The following SP140 variants were observed in gnomAD, a reference collection of about 807,000 sequenced individuals.
SP140 encodes the protein SP140 nuclear body protein, also known as nuclear body protein SP140.
Under a neutral mutation model 125.0 loss-of-function variants are expected in SP140, and 81 were observed. The ratio of observed to expected loss-of-function variants is 0.65; its 90% CI spans 0.54 to 0.78. The LOEUF is 0.78. SP140 is among the 30% of genes least tolerant of loss of function. The pLI is 0.00. For synonymous variants in SP140, 312 were observed against 354.0 expected, an observed-to-expected ratio of 0.88 and a Z score of 1.33; for missense variants, 858 against 1,037.0, an observed-to-expected ratio of 0.83 and a Z score of 2.37.
intron 11 of SP140, among the ~76,000 whole-genome samples, chr2:230,254,139 G>A (rs930521124): frequency 5.3e-4 from 81 of 152,176 alleles, no homozygotes; most frequent in Non-Finnish European, 9.4e-4. Flanking sequence ...AAATACAAAT[G>A]ACAACAATGT....
chr2:230,307,176 A>G (rs897604630), intron 22 of SP140, among the ~76,000 whole-genome samples: 1 of 151,998 alleles, frequency 6.6e-6, no homozygotes, highest in Non-Finnish European at 1.5e-5. Flanking sequence ...AGGGCTGAAC[A>G]CTCGTCAGGA....
At chr2:230,310,707 T>A (rs1328536512) in intron 23 of SP140, 36 bp from the exon 24 acceptor site, 1 of 1,398,340 alleles carries the variant, frequency 7.2e-7, no homozygotes, top group Admixed American at 2.2e-5. Context: ...ATTTCCAAGC[T>A]CCCTGCCCTC....
At chr2:230,260,181 C>T (rs944382005) in intron 12 of SP140, among the ~76,000 whole-genome samples, 1 of 152,124 alleles carries the variant, frequency 6.6e-6, no homozygotes, top group African/African-American at 2.4e-5. Context: ...TTGCATTTCC[C>T]TGATCATTGG....
Position 230,238,344 on chromosome 2 carries a change from T to A in SP140, c.369T>A (p.Tyr123Ter). The A allele has an allele frequency of 6.2e-7, 1 of 1,612,676 alleles. No individual in the cohort carries two copies. The highest frequency in any genetic ancestry group is 8.5e-7 in the Non-Finnish European group (1 of 1,179,668). The change falls in exon 3 of 27, where the codon TAT becomes TAA. Residue 123 changes from tyrosine (Y) to a stop codon, truncating the protein, a stop_gained. Transcript: ENST00000392045. LOFTEE classifies it high-confidence loss of function. ...TCAGCAGGATTAACCTGATGGCCTA[T>A]CCTGATTTAAACGAGATTTACAGAA... The part of the protein sequence containing the change: ...ALFSRINLMA[Y>*]PDLNEIYRSF...
chr2:230,294,372 C>A, intron 21 of SP140, 54 bp downstream of exon 21: 1 of 1,367,984 alleles, frequency 7.3e-7, no homozygotes, highest in Non-Finnish European at 1.0e-6. Context: ...ATTTAGCATG[C>A]ACAAAATCTT....
At chr2:230,201,481 CA>C (rs920978095), upstream of SP140, among the ~76,000 whole-genome samples, 1 of 150,870 alleles carries the variant, frequency 6.6e-6, no homozygotes, top group Non-Finnish European at 1.5e-5. Flanking sequence ...CTCACTGTAC[CA>C]AAAAAAATAA....
chr2:230,223,644 A>C (rs1365274829), upstream of SP140, among the ~76,000 whole-genome samples: 1 of 152,218 alleles, frequency 6.6e-6, no homozygotes, highest in Non-Finnish European at 1.5e-5. Flanking sequence ...TGGTTATCTG[A>C]CATAATTGGA....
intron 3 of SP140, chr2:230,214,846 G>A (rs893314162): frequency 1.8e-5 from 17 of 939,618 alleles, no homozygotes; most frequent in Middle Eastern, 2.6e-4. Context: ...ACCCCAGAGA[G>A]AAGGCGGGGG....
upstream of SP140, among the ~76,000 whole-genome samples, chr2:230,199,514 C>T (rs575459300): frequency 1.3e-5 from 2 of 152,076 alleles, no homozygotes; most frequent in South Asian, 4.1e-4. Flanking sequence ...GGGCCAGCAA[C>T]ATAATCCTAA....
chr2:230,305,603 G>T (rs1042118717), intron 22 of SP140, among the ~76,000 whole-genome samples: 1 of 152,250 alleles, frequency 6.6e-6, no homozygotes. Flanking sequence ...AGGGAGGGGT[G>T]AGCAGAGAGA....
intron 1 of SP140, among the ~76,000 whole-genome samples, chr2:230,232,511 C>G (rs1305201110): frequency 1.3e-5 from 2 of 152,208 alleles, no homozygotes; most frequent in African/African-American, 2.4e-5. Context: ...CTTCCAATGT[C>G]TTTGCGTGTT....
intron 25 of SP140, 21 bp from the exon 26 acceptor site, chr2:230,311,431 C>CAAA (rs1265700513): frequency 1.3e-6 from 2 of 1,566,842 alleles, no homozygotes; most frequent in African/African-American, 2.7e-5. Flanking sequence ...GTAGCTTTTC[C>CAAA]ATTGGTATAT....
chr2:230,205,492 CTTGT>C (rs1403871424), intron 1 of SP140, among the ~76,000 whole-genome samples: 2 of 152,078 alleles, frequency 1.3e-5, no homozygotes, highest in East Asian at 3.8e-4. Context: ...TTGAAATTAT[CTTGT>C]TTATGTGCTT....
At chr2:230,288,394 AT>A (rs1185664348) in intron 18 of SP140, among the ~76,000 whole-genome samples, 2 of 152,202 alleles carry the variant, frequency 1.3e-5, no homozygotes, top group African/African-American at 4.8e-5. Context: ...TAGGCTGATC[AT>A]TTGACTTTCT....
chr2:230,288,034 T>C (rs2056619040), intron 18 of SP140, 68 bp downstream of exon 18: 3 of 1,305,904 alleles, frequency 2.3e-6, no homozygotes, highest in Non-Finnish European at 3.2e-6. Context: ...TACACTGTAC[T>C]TTCAGTAATA....
At chr2:230,192,174 T>G in the SP140 span, among the ~76,000 whole-genome samples, 1 of 152,162 alleles carries the variant, frequency 6.6e-6, no homozygotes, top group Non-Finnish European at 1.5e-5. Context: ...CCACAGCCAA[T>G]ATCATATAAA....
At chr2:230,294,183 T>G in intron 20 of SP140, 88 bp from the exon 21 acceptor site, 1 of 1,024,836 alleles carries the variant, frequency 9.8e-7, no homozygotes, top group East Asian at 2.4e-5. Context: ...AACACTCAGG[T>G]AGAAATATTT....
At chr2:230,297,576 G>A in intron 22 of SP140, 114 bp downstream of exon 22, 4 of 1,258,170 alleles carry the variant, frequency 3.2e-6, no homozygotes, top group Non-Finnish European at 4.5e-6. Flanking sequence ...GCTGGAGTAT[G>A]TGGCTGTGTG....
At chr2:230,219,123 G>C (rs896001235) in intron 3 of SP140, among the ~76,000 whole-genome samples, 6 of 152,326 alleles carry the variant, frequency 3.9e-5, no homozygotes, top group Middle Eastern at 3.4e-3. Context: ...TACTCAGGAG[G>C]CTGAGGCAGG....
Sources: allele counts gnomAD v4.1 joint callset (sites outside exome capture counted in the v4.1 genomes callset), GRCh38; gene constraint gnomAD v4.1.1; transcripts MANE v1.5; gene names NCBI Gene and HGNC (gene_info 2026-07-23, HGNC 2026-07-21).